SLC7A1: variants seen among roughly 807,000 people sequenced by gnomAD.
The protein encoded by SLC7A1 is solute carrier family 7 member 1.
A neutral mutation model predicts 53.9 loss-of-function variants in SLC7A1; 10 were observed. The ratio of observed to expected loss-of-function variants is 0.19; its 90% CI spans 0.11 to 0.31. The LOEUF (loss-of-function observed/expected upper bound fraction) is 0.31, where lower values mean the gene tolerates loss of function less well. SLC7A1 is among the 10% of genes least tolerant of loss of function. The pLI, the probability that SLC7A1 is intolerant of heterozygous loss-of-function variation, is 1.00. For synonymous variants in SLC7A1, 342 were observed against 338.7 expected, an observed-to-expected ratio of 1.01 and a Z score of -0.11; for missense variants, 525 against 827.2, an observed-to-expected ratio of 0.63 and a Z score of 4.48.
At position 29,524,033 on chromosome 13, in the gene SLC7A1, C is replaced by T. The variant is rs546047034; in HGVS notation, c.826+99G>A. ...TACATGTTGCTCATGTGTGAAAGAG[C>T]GGCGACTGGACCGTGCCAGCAAGGA... is the stretch of plus-strand genomic sequence containing the variant. On this transcript the variant is annotated intron_variant, in intron 6 of 12. Transcript: ENST00000380752. 90 of 1,192,540 alleles carry T rather than the reference C, an allele frequency of 7.5e-5. No individual in the cohort carries two copies. In the East Asian group the frequency reaches 1.7e-3, roughly 23 times the overall value. 73.9% of individuals were successfully genotyped at this position (1,192,540 alleles called of 1,614,324 possible).
chr13:29,545,647 GT>G (rs1184118036), intron 2 of SLC7A1, among the ~76,000 whole-genome samples: 5 of 152,150 alleles, frequency 3.3e-5, no homozygotes, highest in Non-Finnish European at 7.3e-5. Flanking sequence ...ATTACAACCT[GT>G]TGGTCACCTG....
At position 29,513,622 on chromosome 13, in the gene SLC7A1, G is replaced by C. The variant is rs1883462229; in HGVS notation, c.*858C>G. 6.5e-6 allele frequency: 1 copy of C among 152,738 alleles called. No individual in the cohort carries two copies. Among genetic ancestry groups the C allele is most frequent in the African/African-American group, 2.4e-5 (1 of 41,466 alleles). 9.5% of individuals were successfully genotyped at this position (152,738 alleles called of 1,614,324 possible). On this transcript the variant is annotated 3_prime_UTR_variant, in exon 13 of 13. Coordinates refer to ENST00000380752, the MANE Select transcript of SLC7A1 (RefSeq NM_003045.5). ...ACAGACTTCTGACTCGGCCACCATG[G>C]GGCCAGTCCTGCAGATACTGTCTCA...
At chr13:29,577,233 C>T (rs986043150) in intron 1 of SLC7A1, among the ~76,000 whole-genome samples, 9 of 152,190 alleles carry the variant, frequency 5.9e-5, no homozygotes, top group South Asian at 2.1e-4. Flanking sequence ...TTGGTGAAGA[C>T]GTCTGGGGCT....
intron 1 of SLC7A1, among the ~76,000 whole-genome samples, chr13:29,574,313 A>G (rs1296305436): frequency 1.3e-5 from 2 of 152,250 alleles, no homozygotes; most frequent in Admixed American, 1.3e-4. Flanking sequence ...CAACTTCCAG[A>G]AAGGCCTACA....
chr13:29,570,549 G>C (rs749408029), intron 1 of SLC7A1, among the ~76,000 whole-genome samples: 14 of 152,202 alleles, frequency 9.2e-5, no homozygotes, highest in Non-Finnish European at 1.6e-4. Context: ...GGTTAAACTG[G>C]ATTCAAAACA....
intron 2 of SLC7A1, among the ~76,000 whole-genome samples, 160 bp from the exon 3 acceptor site, chr13:29,536,362 C>T (rs1869420408): frequency 1.3e-5 from 2 of 152,210 alleles, no homozygotes; most frequent in Non-Finnish European, 2.9e-5. Flanking sequence ...TTGTCAGAAG[C>T]ACGCAGACTT....
chr13:29,524,095 CA>C, intron 6 of SLC7A1, 36 bp downstream of exon 6: 1 of 1,608,330 alleles, frequency 6.2e-7, no homozygotes, highest in Non-Finnish European at 8.5e-7. Context: ...GCCCAGGGTG[CA>C]GGAGGACCCG....
At chr13:29,525,587 G>A (rs1285275812) in intron 5 of SLC7A1, among the ~76,000 whole-genome samples, 1 of 152,172 alleles carries the variant, frequency 6.6e-6, no homozygotes, top group Non-Finnish European at 1.5e-5. Flanking sequence ...CTTTCTAATG[G>A]GGATTAAGCC....
At chr13:29,524,804 C>A (rs1055513772) in intron 5 of SLC7A1, among the ~76,000 whole-genome samples, 1 of 152,192 alleles carries the variant, frequency 6.6e-6, no homozygotes, top group African/African-American at 2.4e-5. Flanking sequence ...GTGTGGGGCC[C>A]GGGCACAGCT....
At chr13:29,572,158 G>A (rs1447075233) in intron 1 of SLC7A1, among the ~76,000 whole-genome samples, 2 of 152,190 alleles carry the variant, frequency 1.3e-5, no homozygotes, top group African/African-American at 4.8e-5. Context: ...TGCAGCGGCC[G>A]CCTGTGGGTC....
intron 2 of SLC7A1, among the ~76,000 whole-genome samples, chr13:29,547,668 A>T (rs1383202839): frequency 6.6e-6 from 1 of 152,252 alleles, no homozygotes; most frequent in African/African-American, 2.4e-5. Context: ...ATTAAGGGAA[A>T]GAAAATCTCT....
intron 3 of SLC7A1, among the ~76,000 whole-genome samples, chr13:29,533,247 C>T (rs974972896): frequency 2.0e-5 from 3 of 150,418 alleles, no homozygotes; most frequent in African/African-American, 2.5e-5. Context: ...TATATATATC[C>T]GAATAAAAAG....
chr13:29,543,178 A>G (rs1869743408), intron 2 of SLC7A1, among the ~76,000 whole-genome samples: 1 of 152,150 alleles, frequency 6.6e-6, no homozygotes, highest in Non-Finnish European at 1.5e-5. Flanking sequence ...GTCCCAAAGG[A>G]GAGTGTGGGA....
intron 2 of SLC7A1, among the ~76,000 whole-genome samples, chr13:29,547,811 T>C (rs985226419): frequency 3.9e-5 from 6 of 152,206 alleles, no homozygotes; most frequent in Non-Finnish European, 7.3e-5. Flanking sequence ...TTCTCATTTG[T>C]GCATGTTTGG....
intron 1 of SLC7A1, among the ~76,000 whole-genome samples, chr13:29,591,114 T>C (rs554228954): frequency 9.2e-5 from 14 of 151,992 alleles, no homozygotes; most frequent in African/African-American, 2.7e-4. Context: ...TATCTCAAAA[T>C]ATATATATAT....
At chr13:29,532,374 T>C (rs1293436573) in intron 4 of SLC7A1, among the ~76,000 whole-genome samples, 2 of 152,190 alleles carry the variant, frequency 1.3e-5, no homozygotes, top group African/African-American at 4.8e-5. Flanking sequence ...GTAAAAACCA[T>C]CCAAGTCATC....
Position 29,517,315 on chromosome 13 carries a change from G to A in SLC7A1, c.1511-5C>T. ...AGAAGGTGATGATGAGAACAGCTAA[G>A]GGGGAAGGAAAAGACAGCAAGCTGC... On this transcript the variant is annotated splice_polypyrimidine_tract_variant and splice_region_variant and intron_variant, in intron 10 of 12. Coordinates refer to ENST00000380752, the MANE Select transcript of SLC7A1 (RefSeq NM_003045.5). The A allele has an allele frequency of 6.2e-7, 1 of 1,602,194 alleles. No homozygotes were observed. The highest frequency in any genetic ancestry group is 2.2e-5 in the East Asian group (1 of 44,726).
chr13:29,589,405 T>C (rs1593587551), intron 1 of SLC7A1, among the ~76,000 whole-genome samples: 1 of 152,230 alleles, frequency 6.6e-6, no homozygotes, highest in Admixed American at 6.5e-5. Context: ...AGGCATTGCA[T>C]CCAGCCAAAG....
At chr13:29,584,863 A>T (rs1871814501) in intron 1 of SLC7A1, among the ~76,000 whole-genome samples, 1 of 152,256 alleles carries the variant, frequency 6.6e-6, no homozygotes. Context: ...TAGTCAAAAA[A>T]TAACATTTCT....
Sources: gnomAD v4.1 joint callset for allele counts (sites outside exome capture counted in the v4.1 genomes callset) on GRCh38, gnomAD v4.1.1 for gene constraint, MANE v1.5 for transcripts, NCBI Gene and HGNC (gene_info 2026-07-23, HGNC 2026-07-21) for gene names.